UGT1A9: variants seen among roughly 807,000 people sequenced by gnomAD.
UGT1A9 encodes UDP glucuronosyltransferase family 1 member A9.
UGT1A9 carries 35 observed loss-of-function variants against 45.0 expected under a neutral mutation model. The ratio of observed to expected loss-of-function variants is 0.78; its 90% CI spans 0.59 to 1.03. The LOEUF (loss-of-function observed/expected upper bound fraction) is 1.03. UGT1A9 is among the 50% of genes least tolerant of loss of function. UGT1A9 has a pLI of 0.00. For synonymous variants in UGT1A9, 278 were observed against 250.6 expected (o/e 1.11, Z -1.03); for missense variants, 687 against 666.6 (o/e 1.03, Z -0.34).
chr2:233,724,346 C>T (rs1441595042), intron 1 of UGT1A9, among the ~76,000 whole-genome samples: 2 of 148,086 alleles, frequency 1.4e-5, no homozygotes, highest in Admixed American at 6.7e-5. Context: ...GCTGACCCCC[C>T]CCACCTCCCT....
intron 1 of UGT1A9, chr2:233,713,039 G>A (rs1346313481): frequency 5.6e-6 from 9 of 1,613,884 alleles, no homozygotes; most frequent in Non-Finnish European, 7.6e-6. Flanking sequence ...CCACAGGACT[G>A]CTGCTTCTCC....
At chr2:233,754,512 G>A (rs1197156567) in intron 1 of UGT1A9, 1 of 361,962 alleles carries the variant, frequency 2.8e-6, no homozygotes. Flanking sequence ...TATTCCTCCA[G>A]ATGTGCTTAA....
chr2:233,768,409 A>G lies in UGT1A9; in HGVS notation c.1265A>G (p.Asn422Ser). ...GAAATGACTTCTGAAGATTTAGAAA[A>G]TGCTCTAAAAGCAGTCATCAATGAC... ...VLEMTSEDLE[N>S]ALKAVINDKS... is the part of the protein sequence containing the mutation. The change falls in exon 4 of 5, where the codon AAT becomes AGT. Residue 422 changes from asparagine to serine, a missense_variant. Asn to Ser is a conservative substitution (Grantham distance 46, BLOSUM62 1). Coordinates refer to ENST00000354728, the MANE Select transcript of UGT1A9 (RefSeq NM_021027.3). 1 of 1,614,180 alleles carries G rather than the reference A, an allele frequency of 6.2e-7. No homozygotes were observed. Among genetic ancestry groups the G allele is most frequent in the South Asian group, 1.1e-5 (1 of 91,082 alleles).
chr2:233,746,490 T>C (rs1347659366), intron 1 of UGT1A9, among the ~76,000 whole-genome samples: 2 of 151,808 alleles, frequency 1.3e-5, no homozygotes, highest in Admixed American at 1.3e-4. Flanking sequence ...CATGGACATG[T>C]CACTCTTTAG....
At chr2:233,729,448 A>C in intron 1 of UGT1A9, 2 of 1,614,064 alleles carry the variant, frequency 1.2e-6, no homozygotes, top group South Asian at 2.2e-5. Context: ...ACATTTTCTG[A>C]AGAAATTTTT....
intron 1 of UGT1A9, chr2:233,693,824 A>G: frequency 6.2e-7 from 1 of 1,614,190 alleles, no homozygotes; most frequent in East Asian, 2.2e-5. Flanking sequence ...CATGGTCTTC[A>G]TTGGAGGTAT....
chr2:233,755,233 A>G (rs958383354), intron 1 of UGT1A9: 16 of 920,004 alleles, frequency 1.7e-5, no homozygotes, highest in Admixed American at 5.9e-5. Context: ...GACGAGGCCT[A>G]CCGGGGTACT....
intron 1 of UGT1A9, chr2:233,719,148 T>C (rs763386476): frequency 6.2e-7 from 1 of 1,614,150 alleles, no homozygotes; most frequent in African/African-American, 1.3e-5. Context: ...TCTGAAGAGA[T>C]ATTCTAGAAG....
chr2:233,760,579 A>G (rs2125986282), intron 1 of UGT1A9: 1 of 1,614,220 alleles, frequency 6.2e-7, no homozygotes, highest in South Asian at 1.1e-5. Context: ...TCTCGGGCAT[A>G]ATGTTTTTGA....
intron 1 of UGT1A9, among the ~76,000 whole-genome samples, chr2:233,745,355 T>A (rs1693086432): frequency 6.6e-6 from 1 of 151,846 alleles, no homozygotes; most frequent in African/African-American, 2.4e-5. Context: ...TTGGGGGAAT[T>A]TTTTTGAGAT....
intron 1 of UGT1A9, among the ~76,000 whole-genome samples, chr2:233,765,971 T>A (rs950382144): frequency 6.6e-6 from 1 of 152,072 alleles, no homozygotes; most frequent in African/African-American, 2.4e-5. Context: ...TAGAGGTGGA[T>A]GTTTACAGCT....
At chr2:233,685,147 ATACTT>A (rs2074725560) in intron 1 of UGT1A9, among the ~76,000 whole-genome samples, 2 of 152,174 alleles carry the variant, frequency 1.3e-5, no homozygotes, top group African/African-American at 4.8e-5. Flanking sequence ...ATGTAATTAA[ATACTT>A]TAACAAGGAT....
intron 1 of UGT1A9, among the ~76,000 whole-genome samples, chr2:233,728,438 T>G (rs767201537): frequency 1.4e-4 from 22 of 152,276 alleles, no homozygotes; most frequent in Non-Finnish European, 2.1e-4. Context: ...CCATGGTGTA[T>G]ATGGAGAATC....
At chr2:233,768,033 A>C in intron 3 of UGT1A9, 97 bp downstream of exon 3, 1 of 1,612,338 alleles carries the variant, frequency 6.2e-7, no homozygotes, top group South Asian at 1.1e-5. Flanking sequence ...GCTTGAAAAT[A>C]TTATGGCCAA....
In UGT1A9 at chr2:233,719,134, A is replaced by G. The variant is rs566867363; in HGVS notation, c.855+46345A>G. ...ACTCAAGGGTTCTTTGAAACAGAACATCTTCTGAAGAGATATTCTAGAAGT... is the reference window on the plus strand; with the variant it reads ...ACTCAAGGGTTCTTTGAAACAGAACGTCTTCTGAAGAGATATTCTAGAAGT... On this transcript the variant is annotated intron_variant, in intron 1 of 4. Transcript: ENST00000354728. 20 of 1,614,272 alleles carry G rather than the reference A, an allele frequency of 1.2e-5. No individual in the cohort carries two copies. The East Asian group carries it at 1.8e-4, about 14-fold the overall frequency.
chr2:233,736,374 G>A lies in UGT1A9; in HGVS notation c.856-30660G>A, dbSNP rs183988627. On this transcript the variant is annotated intron_variant, in intron 1 of 4. Coordinates refer to ENST00000354728, the MANE Select transcript of UGT1A9 (RefSeq NM_021027.3). ...TTTCAGCTCCATCAGGTCATTTAAG[G>A]TCTTCTCTACAGTGTTTATTCTAGT... Among the ~76,000 whole-genome samples the A allele has an allele frequency of 2.8e-3, 425 of 152,220 alleles. 22 individuals carry two copies. The South Asian group carries it at 0.086, about 31-fold the overall frequency.
chr2:233,718,785 G>C (rs544842461), intron 1 of UGT1A9: 6 of 1,613,086 alleles, frequency 3.7e-6, no homozygotes, highest in Admixed American at 1.7e-5. Context: ...GGCACAGCGT[G>C]GGGTGGACAG....
chr2:233,717,731 T>C (rs923613930), intron 1 of UGT1A9: 5 of 456,000 alleles, frequency 1.1e-5, no homozygotes, highest in Non-Finnish European at 2.2e-5. Context: ...GAGACCATTG[T>C]GAGTGCTCAG....
chr2:233,757,537 T>TATATATACATATAC lies in UGT1A9; in HGVS notation c.856-9490_856-9489insCATATACATATATA, dbSNP rs1472416448. Among the ~76,000 whole-genome samples the TATATATACATATAC allele has an allele frequency of 1.3e-3, 136 of 107,742 alleles. 2 individuals carry two copies. Among genetic ancestry groups the TATATATACATATAC allele is most frequent in the African/African-American group, 3.9e-3 (84 of 21,496 alleles). 70.7% of individuals were successfully genotyped at this position (107,742 alleles called of 152,430 possible). A position where few individuals can be genotyped will look rare whatever the true frequency, so the allele number is the denominator to read the frequency against. ...AAGCCAAAATCTTGCCTGTAAGGAA[T>TATATATACATATAC]ATATATATATATATATATATATATG... On this transcript the variant is annotated intron_variant, in intron 1 of 4. Transcript: ENST00000354728.
Sources: gnomAD v4.1 joint callset for allele counts (sites outside exome capture counted in the v4.1 genomes callset) on GRCh38, gnomAD v4.1.1 for gene constraint, MANE v1.5 for transcripts, NCBI Gene and HGNC (gene_info 2026-07-23, HGNC 2026-07-21) for gene names.